Variants in SCN9A observed in about 807,000 individuals in gnomAD.
The protein encoded by SCN9A is sodium channel protein type 9 subunit alpha.
SCN9A carries 131 observed loss-of-function variants against 187.0 expected under a neutral mutation model. The ratio of observed to expected loss-of-function variants is 0.70; its 90% CI spans 0.61 to 0.81. SCN9A has a LOEUF of 0.81. SCN9A is among the 30% of genes least tolerant of loss of function. The pLI is 0.00. For missense variants in SCN9A, 2,252 were observed against 2,396.6 expected, an observed-to-expected ratio of 0.94 and a Z score of 1.26; for synonymous variants, 809 against 808.6, an observed-to-expected ratio of 1.00 and a Z score of -0.01.
At chr2:166,278,119 G>A (rs1697318517) in intron 15 of SCN9A, 21 bp downstream of exon 15, 2 of 1,594,330 alleles carry the variant, frequency 1.3e-6, no homozygotes, top group Non-Finnish European at 1.7e-6. Context: ...GAATATAATG[G>A]CAACCTTAGT....
intron 26 of SCN9A, among the ~76,000 whole-genome samples, chr2:166,202,098 G>C (rs1338342179): frequency 6.6e-6 from 1 of 151,124 alleles, no homozygotes; most frequent in Non-Finnish European, 1.5e-5. Context: ...GGCCTTAACT[G>C]TTATGTAAAC....
intron 2 of SCN9A, 39 bp downstream of exon 2, chr2:166,311,460 G>A (rs370471482): frequency 1.4e-6 from 2 of 1,423,160 alleles, no homozygotes; most frequent in Admixed American, 2.4e-5. Flanking sequence ...ACAGAAGGAA[G>A]CCAACAGAAA....
chr2:166,305,641 CA>C, intron 5 of SCN9A, 150 bp downstream of exon 5: 1 of 1,009,558 alleles, frequency 9.9e-7, no homozygotes, highest in Non-Finnish European at 1.5e-6. Context: ...ATTTGCCTAT[CA>C]ATGACTAGCT....
chr2:166,307,699 T>TA (rs1430485738), intron 2 of SCN9A, among the ~76,000 whole-genome samples: 4 of 152,174 alleles, frequency 2.6e-5, no homozygotes, highest in African/African-American at 9.7e-5. Flanking sequence ...CACGGTAATT[T>TA]AAAAAACGAT....
chr2:166,310,669 C>G (rs1268120129), intron 2 of SCN9A, among the ~76,000 whole-genome samples: 2 of 136,824 alleles, frequency 1.5e-5, no homozygotes, highest in Non-Finnish European at 3.1e-5. Context: ...CTAGTTCAAC[C>G]ATTGTGGAAG....
intron 1 of SCN9A, among the ~76,000 whole-genome samples, chr2:166,373,443 G>T (rs1417360239): frequency 6.6e-6 from 1 of 151,980 alleles, no homozygotes; most frequent in Non-Finnish European, 1.5e-5. Context: ...GGAGGCTGTG[G>T]CAGGATTCCA....
At chr2:166,351,553 T>C (rs1700033677) in intron 1 of SCN9A, among the ~76,000 whole-genome samples, 1 of 152,198 alleles carries the variant, frequency 6.6e-6, no homozygotes, top group Non-Finnish European at 1.5e-5. Flanking sequence ...TTGCTCTGGT[T>C]CAGCTGAGCA....
intron 1 of SCN9A, among the ~76,000 whole-genome samples, chr2:166,313,536 T>C (rs1699031481): frequency 6.6e-6 from 1 of 152,172 alleles, no homozygotes; most frequent in East Asian, 1.9e-4. Context: ...ACCTTTTTTT[T>C]CCAGCTTCTT....
In SCN9A at chr2:166,233,370, T is replaced by C. The variant is rs748350519; in HGVS notation, c.3894A>G (p.Leu1298=). ...SLRTLRALRP[L]RALSRFEGMR... is the part of the protein sequence containing the mutation. Reference sequence around the variant, plus strand: ...TTCCTTCAAATCTAGATAAGGCTCTTAGAGGTCTTAAAGCTCTCAGTGTCC... The same window carrying C: ...TTCCTTCAAATCTAGATAAGGCTCTCAGAGGTCTTAAAGCTCTCAGTGTCC... Residue 1298 remains leucine (L), a synonymous_variant, in exon 21 of 27, where the codon CTA becomes CTG. Transcript: ENST00000642356. 2.6e-6 allele frequency: 4 copies of C among 1,567,876 alleles called. No homozygotes were observed. Among genetic ancestry groups the C allele is most frequent in the Non-Finnish European group, 3.4e-6 (4 of 1,161,604 alleles).
chr2:166,229,187 C>T (rs908229801), intron 21 of SCN9A, among the ~76,000 whole-genome samples: 2 of 151,900 alleles, frequency 1.3e-5, no homozygotes, highest in Non-Finnish European at 2.9e-5. Flanking sequence ...TCTGTGATCA[C>T]CAGGCTTACA....
chr2:166,293,204 A>T (rs199791516), intron 9 of SCN9A, 27 bp downstream of exon 9: 2 of 1,563,712 alleles, frequency 1.3e-6, no homozygotes, highest in Non-Finnish European at 1.7e-6. Flanking sequence ...ATTCAAAAAT[A>T]CAATGCATGT....
chr2:166,221,360 GA>G (rs1694576425), intron 24 of SCN9A, among the ~76,000 whole-genome samples: 3 of 152,008 alleles, frequency 2.0e-5, no homozygotes, highest in Non-Finnish European at 2.9e-5. Flanking sequence ...GCAATCTTAA[GA>G]AAAAAGAACA....
rs1449409434 is a variant in SCN9A, at chr2:166,307,064, A to G, written c.269T>C (p.Val90Ala). ...GAAGATTGTTTTCCCTTTGTTCAAT[A>G]CTATGAAAGTCTGCAGGAGGAAAAA... Reference protein sequence around the residue: ...PYYADKKTFIVLNKGKTIFRF... With the variant: ...PYYADKKTFIALNKGKTIFRF... The change falls in exon 3 of 27, where the codon GTA (valine) becomes GCA (alanine). Residue 90 changes from valine (V) to alanine (A), a missense_variant. Coordinates refer to ENST00000642356, the MANE Select transcript of SCN9A (RefSeq NM_001365536.1). 2 of 1,584,138 alleles carry G rather than the reference A, an allele frequency of 1.3e-6. No homozygotes were observed. The highest frequency in any genetic ancestry group is 1.7e-6 in the Non-Finnish European group (2 of 1,154,306).
At chr2:166,230,848 A>C (rs1403664573) in intron 21 of SCN9A, among the ~76,000 whole-genome samples, 1 of 152,156 alleles carries the variant, frequency 6.6e-6, no homozygotes, top group Non-Finnish European at 1.5e-5. Context: ...TAATGATGGA[A>C]TCATGGGTCT....
rs200486515 is a variant in SCN9A at position 166,306,972 on chromosome 2, T to G, written c.361A>C (p.Lys121Gln). 205 of 1,582,362 alleles carry G rather than the reference T, an allele frequency of 1.3e-4. No individual in the cohort carries two copies. Among genetic ancestry groups the G allele is most frequent in the Non-Finnish European group, 1.7e-4 (195 of 1,152,158 alleles). ...PFSPLRRISI[K>Q]ILVHSLFSML... ...AAAGGATATGAGTGTACTAAAATCTTAATAGATATTCTTCTTAGAGGACTG... is the reference window on the plus strand; with the variant it reads ...AAAGGATATGAGTGTACTAAAATCTGAATAGATATTCTTCTTAGAGGACTG... The change falls in exon 3 of 27, where the codon AAG becomes CAG. Residue 121 changes from lysine (K) to glutamine (Q), a missense_variant. Coordinates refer to ENST00000642356, the MANE Select transcript of SCN9A (RefSeq NM_001365536.1).
intron 1 of SCN9A, among the ~76,000 whole-genome samples, chr2:166,338,209 G>A (rs777096875): frequency 2.0e-5 from 3 of 152,060 alleles, no homozygotes; most frequent in Non-Finnish European, 4.4e-5. Flanking sequence ...CTTCAAAATT[G>A]CTTGTCTCAC....
chr2:166,207,700 C>T (rs1693880255), intron 24 of SCN9A, among the ~76,000 whole-genome samples: 4 of 152,158 alleles, frequency 2.6e-5, no homozygotes, highest in Admixed American at 2.6e-4. Flanking sequence ...CTTGGCCTCC[C>T]AAAGTGCTGG....
At chr2:166,200,938 T>C (rs916397191) in intron 26 of SCN9A, among the ~76,000 whole-genome samples, 3 of 152,206 alleles carry the variant, frequency 2.0e-5, no homozygotes, top group African/African-American at 7.2e-5. Flanking sequence ...GCCCAGCCTG[T>C]AACCTATTTT....
chr2:166,275,350 G>A (rs554942414), intron 16 of SCN9A, among the ~76,000 whole-genome samples: 88 of 151,802 alleles, frequency 5.8e-4, no homozygotes, highest in African/African-American at 1.9e-3. Context: ...TTTGGGAGGC[G>A]ACGGAGGCTG....
Sources: gnomAD v4.1 joint callset for allele counts (sites outside exome capture counted in the v4.1 genomes callset) on GRCh38, gnomAD v4.1.1 for gene constraint, MANE v1.5 for transcripts, NCBI Gene and HGNC (gene_info 2026-07-23, HGNC 2026-07-21) for gene names.